PCDHA1: variants seen among roughly 807,000 people sequenced by gnomAD.
PCDHA1 encodes protocadherin alpha 1, also known as protocadherin alpha-1.
PCDHA1 carries 42 observed loss-of-function variants against 61.3 expected under a neutral mutation model. The ratio of observed to expected loss-of-function variants is 0.69; its 90% CI spans 0.54 to 0.89. The LOEUF is 0.89. Ranked by LOEUF, PCDHA1 falls within the 40% of genes least tolerant of loss-of-function variation. PCDHA1 has a pLI of 0.00. For synonymous variants in PCDHA1, 610 were observed against 553.8 expected (o/e 1.10, Z -1.43); for missense variants, 1,256 against 1,235.3 (o/e 1.02, Z -0.25).
intron 3 of PCDHA1, among the ~76,000 whole-genome samples, chr5:140,987,370 A>G (rs183202119): frequency 5.2e-4 from 79 of 152,328 alleles, no homozygotes; most frequent in East Asian, 3.9e-4. Context: ...TTATATCATT[A>G]CAGGGTCAGA....
At position 140,870,817 on chromosome 5, in the gene PCDHA1, G is replaced by C. The variant is rs782095168; in HGVS notation, c.2394+82133G>C. On this transcript the variant is annotated intron_variant, in intron 1 of 3. Coordinates refer to ENST00000504120, the MANE Select transcript of PCDHA1 (RefSeq NM_018900.4). ...ACTGCTGGCGACTCAGGCTGGCAGCGCGGGAGGCGCAGTTAACAAGCTAGT... is the reference window on the plus strand; with the variant it reads ...ACTGCTGGCGACTCAGGCTGGCAGCCCGGGAGGCGCAGTTAACAAGCTAGT... The C allele has an allele frequency of 9.9e-6, 16 of 1,613,726 alleles. No individual in the cohort carries two copies. In the South Asian group the frequency reaches 1.3e-4, roughly 13 times the overall value.
intron 1 of PCDHA1, chr5:140,834,892 A>G (rs2150228741): frequency 1.2e-6 from 2 of 1,604,044 alleles, no homozygotes; most frequent in African/African-American, 2.7e-5. Flanking sequence ...CTGCTCACTT[A>G]CAGACTGAGC....
At chr5:140,802,612 G>A in intron 1 of PCDHA1, 1 of 1,614,020 alleles carries the variant, frequency 6.2e-7, no homozygotes, top group Non-Finnish European at 8.5e-7. Flanking sequence ...CCGCCGGGCT[G>A]CCACATCTTC....
At chr5:140,882,332 G>A (rs782439110) in intron 1 of PCDHA1, 1 of 1,614,178 alleles carries the variant, frequency 6.2e-7, no homozygotes, top group Non-Finnish European at 8.5e-7. Flanking sequence ...TCTGATCCTC[G>A]CAGCCTGGGA....
At position 140,823,478 on chromosome 5, in the gene PCDHA1, G is replaced by A. The variant is rs2150126228; in HGVS notation, c.2394+34794G>A. ...AACGCGCCGGCGCTGCTGGTGCCTC[G>A]AGTGGGTGGCACCGGCGGCGCAGTG... On this transcript the variant is annotated intron_variant, in intron 1 of 3. Coordinates refer to ENST00000504120, the MANE Select transcript of PCDHA1 (RefSeq NM_018900.4). 51 of 1,613,354 alleles carry A rather than the reference G, an allele frequency of 3.2e-5. No homozygotes were observed. Among genetic ancestry groups the A allele is most frequent in the Non-Finnish European group, 3.7e-5 (44 of 1,179,732 alleles).
At position 140,917,079 on chromosome 5, in the gene PCDHA1, A is replaced by G. The variant is rs115825402; in HGVS notation, c.2395-61870A>G. Among the ~76,000 whole-genome samples the G allele has an allele frequency of 8.0e-3, 1,217 of 152,106 alleles. 6 individuals carry two copies. The highest frequency in any genetic ancestry group is 0.019 in the African/African-American group (785 of 41,476). On this transcript the variant is annotated intron_variant, in intron 1 of 3. Coordinates refer to ENST00000504120, the MANE Select transcript of PCDHA1 (RefSeq NM_018900.4). ...GCTACGACAGCACCGAGTTTAATGT[A>G]AAGTTCCCCAGTTGCTGTGCTTTAC... is the stretch of plus-strand genomic sequence containing the variant.
At chr5:140,999,319 T>G (rs2097853876) in intron 3 of PCDHA1, among the ~76,000 whole-genome samples, 1 of 152,236 alleles carries the variant, frequency 6.6e-6, no homozygotes, top group African/African-American at 2.4e-5. Flanking sequence ...TGACAGACAT[T>G]GATCTGTGTG....
chr5:141,011,288 T>C lies in PCDHA1; in HGVS notation c.*1351T>C, dbSNP rs1379355395. 1 of 153,798 alleles carries C rather than the reference T, an allele frequency of 6.5e-6. No individual in the cohort carries two copies. Among genetic ancestry groups the C allele is most frequent in the Non-Finnish European group, 1.5e-5 (1 of 68,050 alleles). The allele number at this position is 153,798 out of a possible 1,614,324, so 9.5% of individuals were successfully genotyped here. A position where few individuals can be genotyped will look rare whatever the true frequency, so the allele number is the denominator to read the frequency against. On this transcript the variant is annotated 3_prime_UTR_variant, in exon 4 of 4. Transcript: ENST00000504120. ...CTTCTCTTTGGTTTAGTTTTCCTTT[T>C]CTATAACACTCTGAATTGCTAATCT... is the stretch of plus-strand genomic sequence containing the variant.
intron 1 of PCDHA1, among the ~76,000 whole-genome samples, chr5:140,889,040 A>G (rs1313734637): frequency 4.6e-5 from 7 of 152,094 alleles, no homozygotes; most frequent in African/African-American, 1.4e-4. Context: ...TAATTTGATT[A>G]TAATTTATAA....
intron 1 of PCDHA1, among the ~76,000 whole-genome samples, chr5:140,819,268 A>C (rs1554127630): frequency 1.3e-5 from 2 of 152,162 alleles, no homozygotes; most frequent in Non-Finnish European, 2.9e-5. Context: ...TATAATTTCT[A>C]TAGATAAGAG....
chr5:140,968,629 T>C, intron 1 of PCDHA1: 1 of 1,614,174 alleles, frequency 6.2e-7, no homozygotes, highest in Non-Finnish European at 8.5e-7. Context: ...CTTGGCTTTT[T>C]TACCATCTAG....
intron 1 of PCDHA1, chr5:140,882,906 C>G: frequency 6.2e-7 from 1 of 1,614,200 alleles, no homozygotes; most frequent in Non-Finnish European, 8.5e-7. Context: ...TTATTACTGA[C>G]AGCCAGTGAT....
intron 1 of PCDHA1, chr5:140,883,292 G>C (rs1352359327): frequency 6.2e-7 from 1 of 1,613,946 alleles, no homozygotes; most frequent in Non-Finnish European, 8.5e-7. Flanking sequence ...GGAAGTACTA[G>C]ATGTAAATGA....
At chr5:140,902,575 T>A (rs1200474088) in intron 1 of PCDHA1, among the ~76,000 whole-genome samples, 1 of 152,082 alleles carries the variant, frequency 6.6e-6, no homozygotes, top group Non-Finnish European at 1.5e-5. Flanking sequence ...TTTTTAAGAT[T>A]TCAATAGTTT....
intron 1 of PCDHA1, among the ~76,000 whole-genome samples, chr5:140,970,414 A>G (rs2096403953): frequency 6.6e-6 from 1 of 152,224 alleles, no homozygotes; most frequent in South Asian, 2.1e-4. Context: ...CCCTACAGTA[A>G]GGTGTAGAGG....
intron 1 of PCDHA1, chr5:140,849,834 G>A: frequency 6.3e-7 from 1 of 1,598,606 alleles, no homozygotes; most frequent in Admixed American, 1.7e-5. Context: ...GGAGGTGGCC[G>A]ACGTGAACGA....
chr5:140,823,495 G>A, intron 1 of PCDHA1: 2 of 1,613,338 alleles, frequency 1.2e-6, no homozygotes. Flanking sequence ...TGGCACCGGC[G>A]GCGCAGTGAG....
intron 1 of PCDHA1, chr5:140,797,162 C>T (rs782645226): frequency 1.9e-6 from 3 of 1,613,896 alleles, no homozygotes; most frequent in Non-Finnish European, 1.7e-6. Flanking sequence ...GGTGCGCGCG[C>T]GCCAGGAAAG....
At chr5:140,806,105 T>C (rs563765261) in intron 1 of PCDHA1, among the ~76,000 whole-genome samples, 1 of 152,264 alleles carries the variant, frequency 6.6e-6, no homozygotes, top group Non-Finnish European at 1.5e-5. Flanking sequence ...CCTGTTCAAT[T>C]GGTTTGATCA....
Sources: gnomAD v4.1 joint callset for allele counts (sites outside exome capture counted in the v4.1 genomes callset) on GRCh38, gnomAD v4.1.1 for gene constraint, MANE v1.5 for transcripts, NCBI Gene and HGNC (gene_info 2026-07-23, HGNC 2026-07-21) for gene names.